DNAI4: variants seen among roughly 807,000 people sequenced by gnomAD.
The protein encoded by DNAI4 is WD repeat domain 78.
DNAI4 carries 85 observed loss-of-function variants against 105.8 expected under a neutral mutation model. That is an observed-to-expected ratio of 0.80 (90% CI 0.67 to 0.96). The LOEUF (loss-of-function observed/expected upper bound fraction) is 0.96. Among genes scored for constraint, DNAI4 ranks in the 40% least tolerant of loss-of-function variants. The pLI, the probability that DNAI4 is intolerant of heterozygous loss-of-function variation, is 0.00. For synonymous variants in DNAI4, 352 were observed against 331.5 expected, an observed-to-expected ratio of 1.06 and a Z score of -0.67; for missense variants, 1,014 against 1,005.6, an observed-to-expected ratio of 1.01 and a Z score of -0.11.
chr1:66,880,671 T>C (rs534000591), intron 4 of DNAI4, among the ~76,000 whole-genome samples: 22 of 152,242 alleles, frequency 1.4e-4, no homozygotes, highest in African/African-American at 4.6e-4. Flanking sequence ...AAGCAGAGCA[T>C]AAAAGATTGG....
At position 66,827,799 on chromosome 1, in the gene DNAI4, T is replaced by C. The variant is rs761353517; in HGVS notation, c.2112+13A>G. The C allele has an allele frequency of 1.4e-6, 2 of 1,449,812 alleles. No homozygotes were observed. The highest frequency in any genetic ancestry group is 1.3e-5 in the South Asian group (1 of 77,468). The allele number at this position is 1,449,812 out of a possible 1,614,324, so 89.8% of individuals were successfully genotyped here. A position where few individuals can be genotyped will look rare whatever the true frequency, so the allele number is the denominator to read the frequency against. On this transcript the variant is annotated intron_variant, in intron 14 of 16. Transcript: ENST00000371026. ...ACAAAATAAATGTTCCAACCTACTA[T>C]AATTAAACTAACCTTATGTCCTCTG...
intron 12 of DNAI4, 139 bp from the exon 13 acceptor site, chr1:66,833,845 C>T: frequency 7.2e-7 from 1 of 1,380,106 alleles, no homozygotes; most frequent in South Asian, 1.5e-5. Context: ...TTAGCACACA[C>T]CAGAACTAGC....
intron 2 of DNAI4, among the ~76,000 whole-genome samples, chr1:66,902,705 G>T (rs1044442248): frequency 2.0e-5 from 3 of 152,146 alleles, no homozygotes; most frequent in Non-Finnish European, 4.4e-5. Context: ...GATCCATTCT[G>T]AATTTATTTT....
Position 66,884,791 on chromosome 1 carries a change from G to A in DNAI4, c.643+6363C>T, listed in dbSNP as rs184067887. 1.5e-3 allele frequency among the ~76,000 whole-genome samples: 226 copies of A among 152,278 alleles called. 6 individuals carry two copies. Among genetic ancestry groups the A allele is most frequent in the Middle Eastern group, 3.4e-3 (1 of 294 alleles). On this transcript the variant is annotated intron_variant, in intron 4 of 16. Transcript: ENST00000371026. ...CCAACTGCAGCCCTGCCCAACTGCAGATACCAAATAGCGTAATTGCTTAGC... is the reference window on the plus strand; with the variant it reads ...CCAACTGCAGCCCTGCCCAACTGCAAATACCAAATAGCGTAATTGCTTAGC...
chr1:66,923,289 C>T (rs951377307), intron 1 of DNAI4, among the ~76,000 whole-genome samples: 2 of 152,116 alleles, frequency 1.3e-5, no homozygotes, highest in African/African-American at 2.4e-5. Flanking sequence ...GGTGTACAGT[C>T]TACTATACAA....
chr1:66,813,896 G>A lies in DNAI4; in HGVS notation c.*234C>T, dbSNP rs917355225. ...ACTTAGAATATGATCAAGAGAGTAG[G>A]AATATCTTTAGAAAAATTAAGAAAA... On this transcript the variant is annotated 3_prime_UTR_variant, in exon 17 of 17. Transcript: ENST00000371026. The A allele has an allele frequency of 2.4e-6, 1 of 415,930 alleles. No homozygotes were observed. The highest frequency in any genetic ancestry group is 4.2e-5 in the Admixed American group (1 of 24,094). 25.8% of individuals were successfully genotyped at this position (415,930 alleles called of 1,614,324 possible).
chr1:66,876,429 G>T (rs1646960475), intron 4 of DNAI4, among the ~76,000 whole-genome samples: 2 of 152,042 alleles, frequency 1.3e-5, no homozygotes, highest in Admixed American at 1.3e-4. Flanking sequence ...AAAAATAAAT[G>T]ATCTTATATT....
chr1:66,813,352 T>A lies in DNAI4; in HGVS notation c.*778A>T, dbSNP rs1221352731. 6.6e-6 allele frequency: 1 copy of A among 152,326 alleles called. No individual in the cohort carries two copies. Among genetic ancestry groups the A allele is most frequent in the Non-Finnish European group, 1.5e-5 (1 of 68,050 alleles). The allele number at this position is 152,326 out of a possible 1,614,324, so 9.4% of individuals were successfully genotyped here. On this transcript the variant is annotated 3_prime_UTR_variant, in exon 17 of 17. Transcript: ENST00000371026. ...CACTGCTCCCCATCTCCACCCCGATTTCCGCAACCTTGCTCTAGAACTCTT... is the reference window on the plus strand; with the variant it reads ...CACTGCTCCCCATCTCCACCCCGATATCCGCAACCTTGCTCTAGAACTCTT...
At chr1:66,892,893 A>T (rs1647784343) in intron 3 of DNAI4, among the ~76,000 whole-genome samples, 1 of 150,592 alleles carries the variant, frequency 6.6e-6, no homozygotes, top group African/African-American at 2.5e-5. Flanking sequence ...GGGCAACAGG[A>T]GTGAAACTTG....
At chr1:66,822,329 A>T (rs762380197) in intron 16 of DNAI4, 32 bp downstream of exon 16, 5 of 1,568,374 alleles carry the variant, frequency 3.2e-6, no homozygotes, top group Non-Finnish European at 4.3e-6. Flanking sequence ...GACTAATAAA[A>T]TGACACAAAT....
chr1:66,832,271 C>T (rs147343673), intron 13 of DNAI4, among the ~76,000 whole-genome samples: 3 of 152,200 alleles, frequency 2.0e-5, no homozygotes, highest in Non-Finnish European at 4.4e-5. Context: ...CAATAGCAGG[C>T]TTGGGCTGGA....
intron 2 of DNAI4, 105 bp downstream of exon 2, chr1:66,905,096 A>G: frequency 2.1e-6 from 2 of 936,128 alleles, no homozygotes; most frequent in Non-Finnish European, 3.0e-6. Context: ...GTATTTCAAA[A>G]TTATGAGTGA....
chr1:66,893,034 GGAA>G (rs1314524339), intron 3 of DNAI4, among the ~76,000 whole-genome samples, 192 bp downstream of exon 3: 6 of 91,174 alleles, frequency 6.6e-5, no homozygotes, highest in African/African-American at 1.9e-4. Context: ...AAGAAAGAGA[GGAA>G]AGAAAGAAAG....
At chr1:66,919,050 T>A (rs1352935342) in intron 1 of DNAI4, 3 of 426,264 alleles carry the variant, frequency 7.0e-6, no homozygotes, top group Non-Finnish European at 1.4e-5. Flanking sequence ...CTGCTTCAAG[T>A]TGTCCCTGCC....
chr1:66,861,296 A>AAACTT (rs1646620322), intron 7 of DNAI4, among the ~76,000 whole-genome samples: 1 of 152,208 alleles, frequency 6.6e-6, no homozygotes, highest in Non-Finnish European at 1.5e-5. Context: ...AAATTTGCCA[A>AAACTT]AACTTAAAAA....
At position 66,826,848 on chromosome 1, in the gene DNAI4, C is replaced by A. The variant is rs778167310; in HGVS notation, c.2311G>T (p.Val771Leu). 1.9e-6 allele frequency: 3 copies of A among 1,613,920 alleles called. No individual in the cohort carries two copies. Among genetic ancestry groups the A allele is most frequent in the Non-Finnish European group, 2.5e-6 (3 of 1,180,010 alleles). The change falls in exon 15 of 17, where the codon GTG becomes TTG. Residue 771 changes from valine (V) to leucine (L), a missense_variant. Coordinates refer to ENST00000371026, the MANE Select transcript of DNAI4 (RefSeq NM_024763.5). ...CTGATATGAAGGTCCCAAATCTCCA[C>A]CCTGTTCTCATTTGCAGCTGCAAAT... ...YIFAAANENR[V>L]EIWDLHISTL...
intron 16 of DNAI4, among the ~76,000 whole-genome samples, chr1:66,821,020 A>G (rs936648650): frequency 1.3e-5 from 2 of 151,566 alleles, no homozygotes; most frequent in African/African-American, 4.8e-5. Context: ...TAAATTTATA[A>G]ACATTTCTAT....
intron 13 of DNAI4, 90 bp downstream of exon 13, chr1:66,833,495 G>C: frequency 7.0e-7 from 1 of 1,425,854 alleles, no homozygotes; most frequent in South Asian, 1.4e-5. Context: ...TTCATTAACA[G>C]GCTAATATTT....
At chr1:66,893,988 A>C (rs1463307593) in intron 2 of DNAI4, among the ~76,000 whole-genome samples, 2 of 152,210 alleles carry the variant, frequency 1.3e-5, no homozygotes, top group Admixed American at 6.5e-5. Context: ...AACCTACTGC[A>C]CTGCCAGTCA....
Sources: allele counts gnomAD v4.1 joint callset (sites outside exome capture counted in the v4.1 genomes callset), GRCh38; gene constraint gnomAD v4.1.1; transcripts MANE v1.5; gene names NCBI Gene and HGNC (gene_info 2026-07-23, HGNC 2026-07-21).